JPH2: variants seen among roughly 807,000 people sequenced by gnomAD.
JPH2 encodes junctophilin-2.
JPH2 carries 38 observed loss-of-function variants against 55.9 expected under a neutral mutation model. That is an observed-to-expected ratio of 0.68 (90% confidence interval 0.52 to 0.89). The LOEUF (loss-of-function observed/expected upper bound fraction) is 0.89, where lower values mean the gene tolerates loss of function less well. JPH2 is among the 40% of genes least tolerant of loss of function. The pLI is 0.00. For synonymous variants in JPH2, 480 were observed against 472.4 expected (o/e 1.02, Z -0.21); for missense variants, 964 against 1,037.6 (o/e 0.93, Z 0.97).
rs750511372 is a variant in JPH2 at position 44,109,688 on chromosome 20, T to G, written c.*3830A>C. On this transcript the variant is annotated 3_prime_UTR_variant, in exon 6 of 6. Transcript: ENST00000372980. ...TACATGCAAGTTTTATGTTTTACAG[T>G]TTAGGTATTATTTGTATTCTGAGTC... 3.3e-5 allele frequency among the ~76,000 whole-genome samples: 5 copies of G among 152,116 alleles called. No individual in the cohort carries two copies. Among genetic ancestry groups the G allele is most frequent in the Non-Finnish European group, 7.4e-5 (5 of 68,026 alleles).
intron 2 of JPH2, among the ~76,000 whole-genome samples, chr20:44,135,825 G>C (rs1212522390): frequency 6.6e-6 from 1 of 152,082 alleles, no homozygotes; most frequent in Non-Finnish European, 1.5e-5. Flanking sequence ...CTGTGGCCCA[G>C]AGAAGTCTGT....
chr20:44,170,285 T>C (rs144042116), intron 1 of JPH2, among the ~76,000 whole-genome samples: 1 of 152,200 alleles, frequency 6.6e-6, no homozygotes, highest in East Asian at 1.9e-4. Flanking sequence ...CAAATTCTCA[T>C]TGCCCAAGAC....
At chr20:44,134,513 ATATT>A (rs2072379120) in intron 2 of JPH2, among the ~76,000 whole-genome samples, 1 of 25,772 alleles carries the variant, frequency 3.9e-5, no homozygotes, top group Non-Finnish European at 6.2e-5. Flanking sequence ...TAAATAATAT[ATATT>A]TATAATAAAT....
Position 44,116,107 on chromosome 20 carries a change from G to T in JPH2, c.1568C>A (p.Ser523Ter). ...NGEPSGEGSRSVTPSEGAGRR... is the reference protein window; with the variant it reads ...NGEPSGEGSR ...GCCCGCGCCCTCGGACGGAGTGACT[G>T]ACCGGCTGCCCTCACCGCTGGGCTC... The change falls in exon 4 of 6, where the codon TCA becomes TAA. Residue 523 changes from serine to a stop codon, truncating the protein, a stop_gained. Transcript: ENST00000372980. LOFTEE classifies it high-confidence loss of function. 1 of 1,487,120 alleles carries T rather than the reference G, an allele frequency of 6.7e-7. No individual in the cohort carries two copies. The highest frequency in any genetic ancestry group is 8.8e-7 in the Non-Finnish European group (1 of 1,130,230). 92.1% of individuals were successfully genotyped at this position (1,487,120 alleles called of 1,614,324 possible).
chr20:44,180,528 G>C (rs1444615269), intron 1 of JPH2, among the ~76,000 whole-genome samples: 1 of 152,038 alleles, frequency 6.6e-6, no homozygotes, highest in Admixed American at 6.6e-5. Flanking sequence ...TGTAGAGATG[G>C]GGTTTCACCA....
chr20:44,133,912 A>T (rs1205032879), intron 2 of JPH2, among the ~76,000 whole-genome samples: 2,203 of 30,412 alleles, frequency 0.072, 199 homozygotes, highest in East Asian at 0.16. Flanking sequence ...AAATAAATAT[A>T]CATTATAATA....
At position 44,139,330 on chromosome 20, in the gene JPH2, G is replaced by A. The variant is rs148367544; in HGVS notation, c.1169+20288C>T. ...AGAGAGCCTTTGATCCAGCAACTGC[G>A]AGTTGGGGGAATTTATTCTAGAGAT... On this transcript the variant is annotated intron_variant, in intron 2 of 5. Coordinates refer to ENST00000372980, the MANE Select transcript of JPH2 (RefSeq NM_020433.5). Among the ~76,000 whole-genome samples the A allele has an allele frequency of 9.2e-5, 14 of 152,234 alleles. 1 individual carries two copies. In the East Asian group the frequency reaches 2.1e-3, roughly 23 times the overall value.
At position 44,186,994 on chromosome 20, in the gene JPH2, T is replaced by C. The variant is rs1280588058; in HGVS notation, c.-289A>G. 5.9e-6 allele frequency: 3 copies of C among 512,438 alleles called. No individual in the cohort carries two copies. The highest frequency in any genetic ancestry group is 1.1e-5 in the Non-Finnish European group (3 of 285,588). 31.7% of individuals were successfully genotyped at this position (512,438 alleles called of 1,614,324 possible). A position where few individuals can be genotyped will look rare whatever the true frequency, so the allele number is the denominator to read the frequency against. ...AAAGGTTCAAAGTCCCCACAAAGCG[T>C]CCCAAGTCTGCCTTCCAAGAAGTCC... On this transcript the variant is annotated 5_prime_UTR_variant, in exon 1 of 6. Coordinates refer to ENST00000372980, the MANE Select transcript of JPH2 (RefSeq NM_020433.5).
intron 2 of JPH2, among the ~76,000 whole-genome samples, chr20:44,152,500 A>G (rs2072538318): frequency 6.6e-6 from 1 of 152,090 alleles, no homozygotes; most frequent in African/African-American, 2.4e-5. Flanking sequence ...ATATAGCAAG[A>G]CCCTGTTCTC....
intron 2 of JPH2, among the ~76,000 whole-genome samples, chr20:44,155,726 A>G (rs2072560942): frequency 6.6e-6 from 1 of 152,222 alleles, no homozygotes; most frequent in Non-Finnish European, 1.5e-5. Flanking sequence ...TCTATAAACT[A>G]TCTCACCAGT....
At position 44,186,867 on chromosome 20, in the gene JPH2, C is replaced by T. The variant is rs1428915851; in HGVS notation, c.-162G>A. The T allele has an allele frequency of 4.2e-6, 3 of 717,212 alleles. No individual in the cohort carries two copies. The highest frequency in any genetic ancestry group is 5.5e-5 in the Admixed American group (2 of 36,136). The allele number at this position is 717,212 out of a possible 1,614,324, so 44.4% of individuals were successfully genotyped here. A position where few individuals can be genotyped will look rare whatever the true frequency, so the allele number is the denominator to read the frequency against. On this transcript the variant is annotated 5_prime_UTR_variant, in exon 1 of 6. Coordinates refer to ENST00000372980, the MANE Select transcript of JPH2 (RefSeq NM_020433.5). ...GATGCCAGCAGAGGCTGAAAGAGCCCCGGCGCCAAGTCAGCACCGGGTCGG... is the reference window on the plus strand; with the variant it reads ...GATGCCAGCAGAGGCTGAAAGAGCCTCGGCGCCAAGTCAGCACCGGGTCGG...
At chr20:44,158,418 A>C (rs976658935) in intron 2 of JPH2, among the ~76,000 whole-genome samples, 2 of 152,178 alleles carry the variant, frequency 1.3e-5, no homozygotes, top group African/African-American at 4.8e-5. Flanking sequence ...GCCACTCACT[A>C]ACTGAGTGAT....
rs1414057736 is a variant in JPH2 at position 44,160,362 on chromosome 20, C to G, written c.425G>C (p.Gly142Ala). ...CCCGTAGGGCACGCTCTGGCGTACTCCGTAGCCATGGCGCATGCCGTTGGT... is the reference window on the plus strand; with the variant it reads ...CCCGTAGGGCACGCTCTGGCGTACTGCGTAGCCATGGCGCATGCCGTTGGT... ...QFTNGMRHGY[G>A]VRQSVPYGMA... Residue 142 changes from glycine (G) to alanine (A), a missense_variant, in exon 2 of 6, where the codon GGA (glycine) becomes GCA (alanine). Gly to Ala is a moderately conservative substitution (Grantham distance 60). Transcript: ENST00000372980. The surrounding 1 kb of genome is among the most constrained non-coding windows in gnomAD (Gnocchi z 4.9). 6.2e-7 allele frequency: 1 copy of G among 1,603,578 alleles called. No individual in the cohort carries two copies.
At chr20:44,176,815 G>T (rs1458156323) in intron 1 of JPH2, 4 of 952,110 alleles carry the variant, frequency 4.2e-6, no homozygotes, top group East Asian at 2.3e-4. Flanking sequence ...AGAAAAAAAA[G>T]GTATCCATAA....
chr20:44,173,505 C>T (rs1441162656), intron 1 of JPH2, among the ~76,000 whole-genome samples: 3 of 152,168 alleles, frequency 2.0e-5, no homozygotes. Flanking sequence ...TCCAAACTTT[C>T]AGAGACATAA....
At chr20:44,165,177 C>T (rs2072647259) in intron 1 of JPH2, among the ~76,000 whole-genome samples, 3 of 152,020 alleles carry the variant, frequency 2.0e-5, no homozygotes, top group Middle Eastern at 3.4e-3. Flanking sequence ...TTTACACAAG[C>T]GTGTACATCT....
chr20:44,127,461 C>T (rs986550991), intron 2 of JPH2, among the ~76,000 whole-genome samples: 6 of 151,726 alleles, frequency 4.0e-5, no homozygotes, highest in Non-Finnish European at 8.8e-5. Context: ...TTCTCCACAT[C>T]CTCCCTAATA....
chr20:44,142,304 CCTTT>C (rs1489068531), intron 2 of JPH2, among the ~76,000 whole-genome samples: 3 of 152,172 alleles, frequency 2.0e-5, no homozygotes, highest in Non-Finnish European at 2.9e-5. Flanking sequence ...GGAAACTTTT[CCTTT>C]CTTTAACTTC....
chr20:44,162,869 C>A (rs1418602929), intron 1 of JPH2, among the ~76,000 whole-genome samples: 1 of 147,202 alleles, frequency 6.8e-6, no homozygotes, highest in African/African-American at 2.5e-5. Flanking sequence ...GAATACACCA[C>A]CCTGTTTAAA....
Sources: gnomAD v4.1 joint callset for allele counts (sites outside exome capture counted in the v4.1 genomes callset) on GRCh38, gnomAD v4.1.1 for gene constraint, Gnocchi (gnomAD v3.1) non-coding constraint, MANE v1.5 for transcripts, NCBI Gene and HGNC (gene_info 2026-07-23, HGNC 2026-07-21) for gene names.